FRMD4A: variants seen among roughly 807,000 people sequenced by gnomAD.
FRMD4A encodes FERM domain containing 4A, also known as FERM domain-containing protein 4A.
A neutral mutation model predicts 129.1 loss-of-function variants in FRMD4A; 29 were observed. The observed-to-expected ratio is 0.22, with a 90% CI of 0.17 to 0.31. The LOEUF (loss-of-function observed/expected upper bound fraction) is 0.31. FRMD4A is among the 10% of genes least tolerant of loss of function. FRMD4A has a pLI of 1.00. For synonymous variants in FRMD4A, 634 were observed against 571.6 expected, an observed-to-expected ratio of 1.11 and a Z score of -1.56; for missense variants, 1,272 against 1,375.8, an observed-to-expected ratio of 0.92 and a Z score of 1.19.
intron 2 of FRMD4A, among the ~76,000 whole-genome samples, chr10:14,105,540 G>A (rs967802139): frequency 6.6e-6 from 1 of 152,060 alleles, no homozygotes; most frequent in African/African-American, 2.4e-5. Flanking sequence ...TAACATTGTA[G>A]TTTACATCTC....
chr10:13,925,594 T>C (rs2095124220), intron 2 of FRMD4A, among the ~76,000 whole-genome samples: 1 of 92,882 alleles, frequency 1.1e-5, no homozygotes, highest in African/African-American at 4.3e-5. Context: ...TTTTTTTTTT[T>C]TTTTTTTGAG....
At chr10:14,176,441 G>A (rs180855350) in intron 2 of FRMD4A, among the ~76,000 whole-genome samples, 1 of 143,750 alleles carries the variant, frequency 7.0e-6, no homozygotes, top group East Asian at 2.1e-4. Context: ...ATGTCTCCAC[G>A]AGAATCTCAT....
intron 2 of FRMD4A, among the ~76,000 whole-genome samples, chr10:14,116,345 G>A (rs958706291): frequency 3.9e-5 from 6 of 152,180 alleles, no homozygotes; most frequent in African/African-American, 1.4e-4. Flanking sequence ...CACACTGGTG[G>A]GTGGTTTTTG....
chr10:13,654,088 G>A, intron 23 of FRMD4A: 1 of 483,006 alleles, frequency 2.1e-6, no homozygotes, highest in Non-Finnish European at 3.6e-6. Flanking sequence ...TTTTGAGTCA[G>A]CCTGAGTATA....
intron 15 of FRMD4A, among the ~76,000 whole-genome samples, chr10:13,676,923 A>G (rs1287067084): frequency 6.6e-6 from 1 of 152,188 alleles, no homozygotes; most frequent in East Asian, 1.9e-4. Flanking sequence ...GATTTTTTGG[A>G]CAATTTTAGT....
Position 13,808,217 on chromosome 10 carries a change from T to C in FRMD4A, c.206+2597A>G, listed in dbSNP as rs183892234. ...CGTGATAGCCTTGTTTTATTTGCATTAGGAAATAGACAAATACATGTGATA... is the reference window on the plus strand; with the variant it reads ...CGTGATAGCCTTGTTTTATTTGCATCAGGAAATAGACAAATACATGTGATA... On this transcript the variant is annotated intron_variant, in intron 4 of 24. Coordinates refer to ENST00000357447, the MANE Select transcript of FRMD4A (RefSeq NM_018027.5). Among the ~76,000 whole-genome samples the C allele has an allele frequency of 4.6e-5, 7 of 152,300 alleles. 1 individual carries two copies. Among genetic ancestry groups the C allele is most frequent in the South Asian group, 4.1e-4 (2 of 4,824 alleles).
intron 2 of FRMD4A, among the ~76,000 whole-genome samples, chr10:13,865,654 T>C (rs1480070540): frequency 6.6e-6 from 1 of 151,836 alleles, no homozygotes; most frequent in Non-Finnish European, 1.5e-5. Flanking sequence ...TCTCACTATG[T>C]AAATTCTTGG....
intron 2 of FRMD4A, among the ~76,000 whole-genome samples, chr10:14,057,478 G>T (rs1747867368): frequency 6.6e-6 from 1 of 152,286 alleles, no homozygotes; most frequent in African/African-American, 2.4e-5. Flanking sequence ...TCAAGGAAAA[G>T]GCAACATGAG....
At chr10:13,694,816 T>A (rs74121839) in intron 14 of FRMD4A, among the ~76,000 whole-genome samples, 3,525 of 148,620 alleles carry the variant, frequency 0.024, 141 homozygotes, top group African/African-American at 0.083. Flanking sequence ...CACCCCAGCC[T>A]GGGCAACAAA....
chr10:14,147,894 C>T (rs1185802901), intron 2 of FRMD4A, among the ~76,000 whole-genome samples: 1 of 152,182 alleles, frequency 6.6e-6, no homozygotes, highest in African/African-American at 2.4e-5. Flanking sequence ...CTTCCACTTA[C>T]TATGTGATCT....
At chr10:13,731,738 A>G (rs145376975) in intron 12 of FRMD4A, among the ~76,000 whole-genome samples, 2 of 152,074 alleles carry the variant, frequency 1.3e-5, no homozygotes, top group African/African-American at 4.8e-5. Context: ...TATATATGCA[A>G]GCAAGGGCTG....
At chr10:13,723,043 A>G (rs1025615676) in intron 12 of FRMD4A, among the ~76,000 whole-genome samples, 1 of 151,906 alleles carries the variant, frequency 6.6e-6, no homozygotes, top group Non-Finnish European at 1.5e-5. Context: ...TATGTTGGTT[A>G]GCTAGGTCAC....
At chr10:13,847,338 CACAA>C (rs1221357344) in intron 3 of FRMD4A, among the ~76,000 whole-genome samples, 2 of 152,198 alleles carry the variant, frequency 1.3e-5, no homozygotes, top group South Asian at 2.1e-4. Flanking sequence ...GCCAGGAAGC[CACAA>C]ACAGAGATTC....
At position 13,723,002 on chromosome 10, in the gene FRMD4A, G is replaced by T. The variant is rs1425891505; in HGVS notation, c.759+14842C>A. On this transcript the variant is annotated intron_variant, in intron 12 of 24. Coordinates refer to ENST00000357447, the MANE Select transcript of FRMD4A (RefSeq NM_018027.5). ...CTTAGCTACATCCCTATGCTGGTTA[G>T]CTAGGTCACCATGCTGGTTAGGTAG... Among the ~76,000 whole-genome samples, 8 of 152,130 alleles carry T rather than the reference G, an allele frequency of 5.3e-5. 1 individual carries two copies. The highest frequency in any genetic ancestry group is 2.0e-4 in the Admixed American group (3 of 15,274).
At chr10:13,946,397 G>A (rs1460454528) in intron 2 of FRMD4A, among the ~76,000 whole-genome samples, 3 of 152,174 alleles carry the variant, frequency 2.0e-5, no homozygotes, top group Admixed American at 1.3e-4. Flanking sequence ...AGGAGGAGAA[G>A]GGAGTGTTTT....
At chr10:13,702,097 A>G (rs1251394176) in intron 13 of FRMD4A, among the ~76,000 whole-genome samples, 1 of 152,090 alleles carries the variant, frequency 6.6e-6, no homozygotes, top group Admixed American at 6.6e-5. Context: ...TTTCAGATGG[A>G]GTCTTGCCCT....
At chr10:14,212,159 C>A (rs549826050) in intron 2 of FRMD4A, among the ~76,000 whole-genome samples, 1 of 152,176 alleles carries the variant, frequency 6.6e-6, no homozygotes, top group South Asian at 2.1e-4. Flanking sequence ...AGCACCACAC[C>A]CCTCACCTTC....
At chr10:14,153,474 A>T (rs1489067398) in intron 2 of FRMD4A, among the ~76,000 whole-genome samples, 3 of 152,172 alleles carry the variant, frequency 2.0e-5, no homozygotes, top group Non-Finnish European at 2.9e-5. Flanking sequence ...AGGAACCTCC[A>T]CACAGGGCTC....
At chr10:13,998,130 G>A (rs897407834) in intron 2 of FRMD4A, among the ~76,000 whole-genome samples, 1 of 152,070 alleles carries the variant, frequency 6.6e-6, no homozygotes, top group Admixed American at 6.5e-5. Flanking sequence ...GTGGCTTCAG[G>A]TCCAGTGTGC....
Sources: gnomAD v4.1 joint callset for allele counts (sites outside exome capture counted in the v4.1 genomes callset) on GRCh38, gnomAD v4.1.1 for gene constraint, MANE v1.5 for transcripts, NCBI Gene and HGNC (gene_info 2026-07-23, HGNC 2026-07-21) for gene names.